FAM209A: variants seen among roughly 807,000 people sequenced by gnomAD.
The protein encoded by FAM209A is protein FAM209A.
FAM209A carries 4 observed loss-of-function variants against 9.8 expected under a neutral mutation model. The ratio of observed to expected loss-of-function variants is 0.41; its 90% CI spans 0.20 to 0.94. FAM209A has a LOEUF of 0.94. Ranked by LOEUF, FAM209A falls within the 40% of genes least tolerant of loss-of-function variation. The probability of loss-of-function intolerance (pLI) is 0.32; values close to 1 mark genes in which losing one functional copy is unlikely to be tolerated. For synonymous variants in FAM209A, 55 were observed against 77.8 expected, an observed-to-expected ratio of 0.71 and a Z score of 1.54; for missense variants, 205 against 209.4, an observed-to-expected ratio of 0.98 and a Z score of 0.13.
At chr20:56,533,208 T>A in the FAM209A span, 1 of 1,536,760 alleles carries the variant, frequency 6.5e-7, no homozygotes. Flanking sequence ...CCTGAAATCA[T>A]CACAATGGCC....
chr20:56,524,958 G>T lies in FAM209A; in HGVS notation c.150G>T (p.Glu50Asp). ...TTCGGATTCGGCAGAATCTACCAGAGCACACCCAAGGCTGGCTTGGGAGCA... is the reference window on the plus strand; with the variant it reads ...TTCGGATTCGGCAGAATCTACCAGATCACACCCAAGGCTGGCTTGGGAGCA... ...EHFRIRQNLP[E>D]HTQGWLGSKW... Residue 50 changes from glutamate to aspartate, a missense_variant, in exon 1 of 2, where the codon GAG (glutamate) becomes GAT (aspartate). Physicochemically the swap from Glu to Asp is conservative, Grantham distance 45 (BLOSUM62 2). Coordinates refer to ENST00000371328, the MANE Select transcript of FAM209A (RefSeq NM_001012971.4). 6.2e-7 allele frequency: 1 copy of T among 1,614,198 alleles called. No individual in the cohort carries two copies. Among genetic ancestry groups the T allele is most frequent in the Non-Finnish European group, 8.5e-7 (1 of 1,180,048 alleles).
the FAM209A span, chr20:56,533,196 G>C: frequency 2.0e-6 from 3 of 1,530,238 alleles, no homozygotes; most frequent in Non-Finnish European, 2.6e-6. Flanking sequence ...TGTAACCTCT[G>C]TCCTGAAATC....
chr20:56,526,802 C>A (rs1985548052), downstream of FAM209A, among the ~76,000 whole-genome samples: 1 of 152,080 alleles, frequency 6.6e-6, no homozygotes, highest in African/African-American at 2.4e-5. Flanking sequence ...CATGGTGGCT[C>A]ACACCTGTAA....
chr20:56,530,699 G>A (rs1371296299), downstream of FAM209A, among the ~76,000 whole-genome samples: 1 of 146,584 alleles, frequency 6.8e-6, no homozygotes, highest in East Asian at 2.0e-4. Flanking sequence ...AGTGGCGACA[G>A]TGTTTCACCA....
chr20:56,525,968 A>C lies in FAM209A; in HGVS notation c.414A>C (p.Ala138=), dbSNP rs1177972173. The C allele has an allele frequency of 6.2e-7, 1 of 1,614,220 alleles. No individual in the cohort carries two copies. Among genetic ancestry groups the C allele is most frequent in the African/African-American group, 1.3e-5 (1 of 75,058 alleles). ...TGCGGAATCTTAAACGTGCCATGGC[A>C]ACAGGTAGTGGCAGTAACCTCAGGC... The part of the protein sequence containing the change: ...SKVRNLKRAM[A]TGSGSNLRLR... Residue 138 remains alanine (A), a synonymous_variant, in exon 2 of 2, where the codon GCA becomes GCC. Transcript: ENST00000371328.
chr20:56,530,011 ACT>A (rs1417324498), downstream of FAM209A, among the ~76,000 whole-genome samples: 7 of 152,086 alleles, frequency 4.6e-5, no homozygotes, highest in South Asian at 2.1e-4. Context: ...ACACAGCAAG[ACT>A]CTGTCTCAAA....
the FAM209A span, among the ~76,000 whole-genome samples, chr20:56,531,769 G>A: frequency 6.6e-6 from 1 of 151,828 alleles, no homozygotes; most frequent in Non-Finnish European, 1.5e-5. Context: ...GAGATTGCAG[G>A]CGTGCATTGC....
the FAM209A span, among the ~76,000 whole-genome samples, chr20:56,531,294 TC>T: frequency 6.7e-6 from 1 of 150,294 alleles, no homozygotes. Flanking sequence ...TTTTCTTCTT[TC>T]TTTGTTTTTT....
At chr20:56,530,379 T>C (rs906631747), downstream of FAM209A, among the ~76,000 whole-genome samples, 1 of 152,108 alleles carries the variant, frequency 6.6e-6, no homozygotes, top group Non-Finnish European at 1.5e-5. Context: ...ATGGAGGAAG[T>C]TGGGTTTGCT....
Position 56,526,123 on chromosome 20 carries a change from A to G in FAM209A, c.*53A>G. On this transcript the variant is annotated 3_prime_UTR_variant, in exon 2 of 2. Coordinates refer to ENST00000371328, the MANE Select transcript of FAM209A (RefSeq NM_001012971.4). ...AGTTGAGTGTTGACAAACTGTATGC[A>G]AACTAATAAAACTATTCTGAAGAAA... The G allele has an allele frequency of 1.3e-6, 2 of 1,509,680 alleles. No homozygotes were observed. The highest frequency in any genetic ancestry group is 1.8e-6 in the Non-Finnish European group (2 of 1,131,586). The allele number at this position is 1,509,680 out of a possible 1,614,324, so 93.5% of individuals were successfully genotyped here. A position where few individuals can be genotyped will look rare whatever the true frequency, so the allele number is the denominator to read the frequency against.
downstream of FAM209A, among the ~76,000 whole-genome samples, chr20:56,527,935 C>T (rs185482560): frequency 1.4e-3 from 206 of 152,098 alleles, no homozygotes; most frequent in Admixed American, 3.7e-3. Context: ...GGTGAAAACC[C>T]GTCTCTATCA....
rs182121574 is a variant in FAM209A at position 56,526,017 on chromosome 20, G to A, written c.463G>A (p.Asp155Asn). 1 of 1,613,954 alleles carries A rather than the reference G, an allele frequency of 6.2e-7. No individual in the cohort carries two copies. The highest frequency in any genetic ancestry group is 2.2e-5 in the East Asian group (1 of 44,884). ...LRLRKSEMPA[D>N]PYHVTICEIW... ...GCTTCGAAAGTCAGAGATGCCTGCA[G>A]ATCCATACCATGTCACGATCTGTGA... Residue 155 changes from aspartate to asparagine, a missense_variant, in exon 2 of 2, where the codon GAT becomes AAT. Transcript: ENST00000371328.
chr20:56,528,046 G>T (rs917026626), downstream of FAM209A, among the ~76,000 whole-genome samples: 18 of 152,254 alleles, frequency 1.2e-4, 1 homozygote, highest in Admixed American at 9.8e-4. Flanking sequence ...GGTGGAGGTG[G>T]CAGTGAGCTG....
chr20:56,531,703 G>A, the FAM209A span, among the ~76,000 whole-genome samples: 4 of 151,942 alleles, frequency 2.6e-5, no homozygotes, highest in African/African-American at 9.7e-5. Context: ...TCAGCTCACT[G>A]CAACCTCTGC....
chr20:56,526,774 C>G (rs373754052), downstream of FAM209A, among the ~76,000 whole-genome samples: 99 of 152,012 alleles, frequency 6.5e-4, no homozygotes, highest in African/African-American at 2.3e-3. Context: ...AAGAAAAAAA[C>G]AAAAAGGAGA....
At chr20:56,525,691 T>C (rs1985496257) in intron 1 of FAM209A, 113 bp from the exon 2 acceptor site, 1 of 1,096,668 alleles carries the variant, frequency 9.1e-7, no homozygotes, top group African/African-American at 1.6e-5. Flanking sequence ...TATCTTCAGC[T>C]TTGTGGGCAG....
chr20:56,526,950 C>G (rs1985554253), downstream of FAM209A, among the ~76,000 whole-genome samples: 1 of 152,124 alleles, frequency 6.6e-6, no homozygotes, highest in South Asian at 2.1e-4. Flanking sequence ...TCATCCTATG[C>G]CATTGGAGTT....
At chr20:56,532,683 C>T in the FAM209A span, among the ~76,000 whole-genome samples, 1 of 151,756 alleles carries the variant, frequency 6.6e-6, no homozygotes, top group African/African-American at 2.4e-5. Flanking sequence ...GGGGTTTCAC[C>T]ACGTTGGACA....
chr20:56,524,968 G>A lies in FAM209A; in HGVS notation c.160G>A (p.Gly54Ser), dbSNP rs530983630. 1 of 1,614,196 alleles carries A rather than the reference G, an allele frequency of 6.2e-7. No homozygotes were observed. The change falls in exon 1 of 2, where the codon GGC becomes AGC. Residue 54 changes from glycine to serine, a missense_variant. Coordinates refer to ENST00000371328, the MANE Select transcript of FAM209A (RefSeq NM_001012971.4). ...GCAGAATCTACCAGAGCACACCCAAGGCTGGCTTGGGAGCAAATGGCTCTG... is the reference window on the plus strand; with the variant it reads ...GCAGAATCTACCAGAGCACACCCAAAGCTGGCTTGGGAGCAAATGGCTCTG... ...IRQNLPEHTQ[G>S]WLGSKWLWLL...
Sources: allele counts gnomAD v4.1 joint callset (sites outside exome capture counted in the v4.1 genomes callset), GRCh38; gene constraint gnomAD v4.1.1; transcripts MANE v1.5; gene names NCBI Gene and HGNC (gene_info 2026-07-23, HGNC 2026-07-21).